NRG3: variants seen among roughly 807,000 people sequenced by gnomAD.
NRG3 encodes neuregulin 3, also known as pro-neuregulin-3, membrane-bound isoform.
NRG3 carries 31 observed loss-of-function variants against 66.9 expected under a neutral mutation model. The observed-to-expected ratio is 0.46, with a 90% confidence interval of 0.35 to 0.63. The LOEUF is 0.63. NRG3 is among the 20% of genes least tolerant of loss of function. The pLI is 0.00. For missense variants in NRG3, 910 were observed against 878.9 expected, an observed-to-expected ratio of 1.04 and a Z score of -0.45; for synonymous variants, 393 against 359.4, an observed-to-expected ratio of 1.09 and a Z score of -1.06.
chr10:82,028,990 C>A (rs188988688), intron 1 of NRG3, among the ~76,000 whole-genome samples: 3 of 152,176 alleles, frequency 2.0e-5, no homozygotes, highest in Admixed American at 2.0e-4. Context: ...AGATGGATCA[C>A]CTGAGGTCAG....
chr10:82,065,815 C>T (rs1405202569), intron 1 of NRG3, among the ~76,000 whole-genome samples: 1 of 152,072 alleles, frequency 6.6e-6, no homozygotes, highest in African/African-American at 2.4e-5. Flanking sequence ...AAAGATCCTC[C>T]CACCAATCCA....
chr10:82,416,953 C>G (rs1164748835), intron 2 of NRG3, among the ~76,000 whole-genome samples: 2 of 152,102 alleles, frequency 1.3e-5, no homozygotes, highest in African/African-American at 4.8e-5. Flanking sequence ...ATTATCCACA[C>G]AGCCCTCATA....
At chr10:82,376,392 C>T (rs1440352674) in intron 2 of NRG3, among the ~76,000 whole-genome samples, 1 of 152,238 alleles carries the variant, frequency 6.6e-6, no homozygotes, top group African/African-American at 2.4e-5. Context: ...CAGGCCTCCA[C>T]TGGGGCTTCC....
chr10:82,956,724 T>A (rs1453282386), intron 5 of NRG3, among the ~76,000 whole-genome samples: 2 of 151,854 alleles, frequency 1.3e-5, no homozygotes, highest in Admixed American at 6.5e-5. Flanking sequence ...TTCAGGATGA[T>A]TTACCAGACT....
intron 2 of NRG3, among the ~76,000 whole-genome samples, chr10:82,415,331 G>A (rs912406029): frequency 6.6e-6 from 1 of 152,132 alleles, no homozygotes; most frequent in Non-Finnish European, 1.5e-5. Flanking sequence ...TGTTTCAAGG[G>A]CTTTCCTGTT....
At chr10:82,187,715 T>C (rs1288387608) in intron 1 of NRG3, among the ~76,000 whole-genome samples, 3 of 152,144 alleles carry the variant, frequency 2.0e-5, no homozygotes, top group Admixed American at 6.5e-5. Context: ...CAAAGCCCAT[T>C]GTGAAGAGTG....
At chr10:82,491,310 A>G (rs1032820559) in intron 2 of NRG3, among the ~76,000 whole-genome samples, 1 of 138,960 alleles carries the variant, frequency 7.2e-6, no homozygotes, top group African/African-American at 2.5e-5. Context: ...ATATATATAT[A>G]TATATAAAAT....
intron 5 of NRG3, among the ~76,000 whole-genome samples, chr10:82,954,083 G>T (rs1410383179): frequency 6.6e-6 from 1 of 151,900 alleles, no homozygotes; most frequent in Non-Finnish European, 1.5e-5. Flanking sequence ...TGGAGGCTGG[G>T]TAGCTATAAA....
intron 2 of NRG3, among the ~76,000 whole-genome samples, chr10:82,361,733 A>G (rs1190401438): frequency 6.6e-6 from 1 of 152,190 alleles, no homozygotes; most frequent in Non-Finnish European, 1.5e-5. Context: ...AGTGACTGAC[A>G]TGCTACCAGG....
chr10:81,978,670 T>C (rs918554062), intron 1 of NRG3, among the ~76,000 whole-genome samples: 10 of 152,158 alleles, frequency 6.6e-5, no homozygotes. Flanking sequence ...ACAGTGATCT[T>C]ATTTTCGTAA....
intron 1 of NRG3, among the ~76,000 whole-genome samples, chr10:82,177,810 A>G (rs1277164266): frequency 1.3e-5 from 2 of 152,198 alleles, no homozygotes; most frequent in Non-Finnish European, 2.9e-5. Context: ...ACTAAAAGAA[A>G]GATTAATTCA....
At chr10:82,763,052 G>C (rs1232921194) in intron 3 of NRG3, among the ~76,000 whole-genome samples, 1 of 152,140 alleles carries the variant, frequency 6.6e-6, no homozygotes, top group Non-Finnish European at 1.5e-5. Flanking sequence ...TAACAAACAT[G>C]GTTTTTTGTG....
chr10:82,653,370 C>G (rs988111657), intron 2 of NRG3, among the ~76,000 whole-genome samples: 4 of 152,146 alleles, frequency 2.6e-5, no homozygotes, highest in Admixed American at 6.5e-5. Context: ...TCTTTGTAAA[C>G]TTTAGTGGAG....
At chr10:81,913,516 C>T (rs1402313703) in intron 1 of NRG3, among the ~76,000 whole-genome samples, 4 of 151,916 alleles carry the variant, frequency 2.6e-5, no homozygotes, top group South Asian at 2.1e-4. Context: ...CTCTGCCTCC[C>T]GGGTTCAAGT....
At chr10:81,911,804 TA>T (rs1175381268) in intron 1 of NRG3, among the ~76,000 whole-genome samples, 1 of 151,618 alleles carries the variant, frequency 6.6e-6, no homozygotes, top group African/African-American at 2.4e-5. Context: ...AGGGCAAAGG[TA>T]ATGCAGTTAA....
chr10:81,999,411 C>T (rs1034965566), intron 1 of NRG3, among the ~76,000 whole-genome samples: 4 of 152,154 alleles, frequency 2.6e-5, no homozygotes, highest in Non-Finnish European at 4.4e-5. Flanking sequence ...TCTAGACAAT[C>T]ACAGTCTTGG....
At chr10:82,616,419 C>T (rs2048653713) in intron 2 of NRG3, among the ~76,000 whole-genome samples, 1 of 152,138 alleles carries the variant, frequency 6.6e-6, no homozygotes, top group Non-Finnish European at 1.5e-5. Flanking sequence ...ATAACATATC[C>T]AAGCTGAATG....
intron 1 of NRG3, among the ~76,000 whole-genome samples, chr10:82,011,365 T>G (rs528408012): frequency 1.9e-4 from 29 of 152,238 alleles, no homozygotes; most frequent in Admixed American, 9.2e-4. Flanking sequence ...GCCCCACCCT[T>G]GACAAATGGG....
At chr10:82,416,082 G>T (rs1299608280) in intron 2 of NRG3, among the ~76,000 whole-genome samples, 1 of 152,112 alleles carries the variant, frequency 6.6e-6, no homozygotes. Flanking sequence ...ATCTTCCCAG[G>T]ATTCAAAGTA....
Sources: allele counts gnomAD v4.1 joint callset (sites outside exome capture counted in the v4.1 genomes callset), GRCh38; gene constraint gnomAD v4.1.1; transcripts MANE v1.5; gene names NCBI Gene and HGNC (gene_info 2026-07-23, HGNC 2026-07-21).